Variants in SAMD3 observed in about 807,000 individuals in gnomAD.
SAMD3 encodes the protein sterile alpha motif domain containing 3, also known as sterile alpha motif domain-containing protein 3.
SAMD3 carries 63 observed loss-of-function variants against 58.5 expected under a neutral mutation model. That is an observed-to-expected ratio of 1.08 (90% CI 0.88 to 1.33). The LOEUF is 1.33. Ranked by LOEUF, SAMD3 falls within the 40% of genes most tolerant of loss-of-function variation. The pLI, the probability that SAMD3 is intolerant of heterozygous loss-of-function variation, is 0.00. For missense variants in SAMD3, 604 were observed against 608.4 expected (o/e 0.99, Z 0.08); for synonymous variants, 220 against 210.3 (o/e 1.05, Z -0.40).
chr6:130,273,427 G>T (rs966071542), intron 2 of SAMD3, among the ~76,000 whole-genome samples: 2 of 152,052 alleles, frequency 1.3e-5, no homozygotes, highest in East Asian at 3.9e-4. Context: ...ATATAGTTGG[G>T]TCTCTTAAAA....
chr6:130,207,253 A>G (rs1795169495), intron 5 of SAMD3, among the ~76,000 whole-genome samples: 1 of 152,110 alleles, frequency 6.6e-6, no homozygotes, highest in African/African-American at 2.4e-5. Flanking sequence ...AGGCAGAGAA[A>G]AGACACCCTA....
intron 5 of SAMD3, among the ~76,000 whole-genome samples, chr6:130,195,165 T>G (rs1302495303): frequency 6.6e-6 from 1 of 152,168 alleles, no homozygotes; most frequent in African/African-American, 2.4e-5. Context: ...CGCATCTCAT[T>G]GCTGCCCTTC....
At chr6:130,348,042 C>A (rs990889044) in intron 1 of SAMD3, among the ~76,000 whole-genome samples, 2 of 152,154 alleles carry the variant, frequency 1.3e-5, no homozygotes, top group Non-Finnish European at 2.9e-5. Context: ...GATTTTGTCA[C>A]CACCAGGCCT....
At position 130,331,372 on chromosome 6, in the gene SAMD3, TA is replaced by T. The variant is rs905200718; in HGVS notation, c.-303-18280del. Among the ~76,000 whole-genome samples, 94 of 151,742 alleles carry T rather than the reference TA, an allele frequency of 6.2e-4. 1 individual carries two copies. The highest frequency in any genetic ancestry group is 1.5e-3 in the South Asian group (7 of 4,798). ...ATAGAAAATTCAAGAGAACTTACTTTAAAAAAAAATCTGAGTTGATGAGGAA... is the reference window on the plus strand; with the variant it reads ...ATAGAAAATTCAAGAGAACTTACTTTAAAAAAAATCTGAGTTGATGAGGAA... On this transcript the variant is annotated intron_variant, in intron 1 of 13. Coordinates refer to the SAMD3 transcript ENST00000368134.
intron 2 of SAMD3, among the ~76,000 whole-genome samples, chr6:130,285,291 A>C (rs1775118267): frequency 6.6e-6 from 1 of 152,238 alleles, no homozygotes. Context: ...ATTCACAGTC[A>C]TCAAGGAGAG....
intron 7 of SAMD3, among the ~76,000 whole-genome samples, chr6:130,177,520 A>C (rs1203095085): frequency 1.3e-5 from 2 of 152,038 alleles, no homozygotes; most frequent in Non-Finnish European, 2.9e-5. Context: ...CCACACCTAG[A>C]TGGTATGTAG....
intron 2 of SAMD3, among the ~76,000 whole-genome samples, chr6:130,286,024 T>C (rs1775141465): frequency 6.6e-6 from 1 of 152,250 alleles, no homozygotes; most frequent in Admixed American, 6.5e-5. Context: ...GCATATTTTA[T>C]TTTATTTGAA....
At chr6:130,172,229 T>C (rs1178262043) in intron 8 of SAMD3, among the ~76,000 whole-genome samples, 1 of 152,242 alleles carries the variant, frequency 6.6e-6, no homozygotes, top group Non-Finnish European at 1.5e-5. Flanking sequence ...AATATTGTTA[T>C]GTGTGAATTT....
chr6:130,354,856 C>T (rs1382205307), intron 1 of SAMD3, among the ~76,000 whole-genome samples: 7 of 152,204 alleles, frequency 4.6e-5, no homozygotes, highest in East Asian at 1.9e-4. Flanking sequence ...GCTGATGGTG[C>T]TAATTCAAAT....
intron 1 of SAMD3, among the ~76,000 whole-genome samples, chr6:130,313,373 C>G (rs1399521625): frequency 6.6e-6 from 1 of 152,160 alleles, no homozygotes; most frequent in Non-Finnish European, 1.5e-5. Context: ...CAGCCCCGAT[C>G]CATACACCAG....
chr6:130,335,391 G>A (rs1777067900), intron 1 of SAMD3, among the ~76,000 whole-genome samples: 1 of 152,170 alleles, frequency 6.6e-6, no homozygotes, highest in Non-Finnish European at 1.5e-5. Flanking sequence ...TTCCATTAAT[G>A]CATCTTCCTG....
At chr6:130,188,272 G>C (rs974835540) in intron 5 of SAMD3, among the ~76,000 whole-genome samples, 3 of 152,196 alleles carry the variant, frequency 2.0e-5, no homozygotes, top group Non-Finnish European at 4.4e-5. Flanking sequence ...GTGAGCACCA[G>C]CTCTCTAAGG....
At chr6:130,153,796 C>G (rs1405091027) in intron 9 of SAMD3, among the ~76,000 whole-genome samples, 2 of 151,712 alleles carry the variant, frequency 1.3e-5, no homozygotes, top group East Asian at 3.9e-4. Context: ...GTGCCTTAGC[C>G]TCCCAGAATA....
chr6:130,144,273 T>TAAC, downstream of SAMD3: 1 of 479,316 alleles, frequency 2.1e-6, no homozygotes, highest in Non-Finnish European at 3.6e-6. Context: ...AAATATAACT[T>TAAC]AACTGCGGAA....
At chr6:130,205,856 A>T (rs575191002) in intron 5 of SAMD3, among the ~76,000 whole-genome samples, 1 of 152,344 alleles carries the variant, frequency 6.6e-6, no homozygotes, top group Admixed American at 6.5e-5. Context: ...TTTCTATAGA[A>T]GGATGTTGAG....
chr6:130,169,278 C>G (rs189240883), intron 8 of SAMD3, among the ~76,000 whole-genome samples: 139 of 152,142 alleles, frequency 9.1e-4, no homozygotes, highest in African/African-American at 3.2e-3. Flanking sequence ...TTGCTTAATC[C>G]CCATGTAGTG....
At chr6:130,352,474 A>G (rs980006179) in intron 1 of SAMD3, among the ~76,000 whole-genome samples, 3 of 152,090 alleles carry the variant, frequency 2.0e-5, no homozygotes, top group Non-Finnish European at 4.4e-5. Flanking sequence ...GTAACCAACA[A>G]TTCTCCTGTT....
intron 5 of SAMD3, among the ~76,000 whole-genome samples, chr6:130,199,149 T>C (rs763641296): frequency 6.6e-6 from 1 of 152,314 alleles, no homozygotes; most frequent in Non-Finnish European, 1.5e-5. Context: ...GGTCTTCACA[T>C]CTCAAGTGCC....
chr6:130,198,006 G>C (rs1353058067), intron 5 of SAMD3, among the ~76,000 whole-genome samples: 1 of 151,992 alleles, frequency 6.6e-6, no homozygotes, highest in Non-Finnish European at 1.5e-5. Context: ...TGGCTCAAAA[G>C]CTCCCCCACT....
Sources: allele counts gnomAD v4.1 joint callset (sites outside exome capture counted in the v4.1 genomes callset), GRCh38; gene constraint gnomAD v4.1.1; transcripts MANE v1.5; gene names NCBI Gene and HGNC (gene_info 2026-07-23, HGNC 2026-07-21).